The following MACROD2 variants were observed in gnomAD, a reference collection of about 807,000 sequenced individuals.
MACROD2 encodes the protein mono-ADP ribosylhydrolase 2, also known as ADP-ribose glycohydrolase MACROD2.
In MACROD2, 36 loss-of-function variants were observed where a neutral mutation model predicts 70.4. The ratio of observed to expected loss-of-function variants is 0.51; its 90% CI spans 0.39 to 0.68. The LOEUF is 0.68. Ranked by LOEUF, MACROD2 falls within the 30% of genes least tolerant of loss-of-function variation. MACROD2 has a pLI of 0.00. For synonymous variants in MACROD2, 172 were observed against 178.8 expected (o/e 0.96, Z 0.30); for missense variants, 496 against 538.4 (o/e 0.92, Z 0.78).
intron 2 of MACROD2, among the ~76,000 whole-genome samples, chr20:14,038,610 T>C (rs1836742495): frequency 6.6e-6 from 1 of 152,202 alleles, no homozygotes; most frequent in East Asian, 1.9e-4. Context: ...CTACTAATTA[T>C]ATTTGATTTT....
At chr20:14,776,364 G>T (rs1051582657) in intron 5 of MACROD2, among the ~76,000 whole-genome samples, 2 of 151,992 alleles carry the variant, frequency 1.3e-5, no homozygotes, top group African/African-American at 4.8e-5. Context: ...CTTGCAAAAT[G>T]AAAGTTATAT....
intron 3 of MACROD2, among the ~76,000 whole-genome samples, chr20:14,462,889 T>C (rs995936854): frequency 1.3e-5 from 2 of 152,006 alleles, no homozygotes; most frequent in South Asian, 2.1e-4. Context: ...GTTCCATTGG[T>C]CTATATCTCT....
chr20:15,361,832 A>T (rs930295042), intron 6 of MACROD2, among the ~76,000 whole-genome samples: 2 of 152,090 alleles, frequency 1.3e-5, no homozygotes, highest in Admixed American at 1.3e-4. Flanking sequence ...ATGAGATTAT[A>T]TTTCAACTTT....
At chr20:15,753,806 G>T (rs564739979) in intron 8 of MACROD2, among the ~76,000 whole-genome samples, 1 of 152,158 alleles carries the variant, frequency 6.6e-6, no homozygotes, top group Admixed American at 6.6e-5. Context: ...AGTAGCAGTT[G>T]TTCTGACTGG....
At chr20:14,516,458 C>T (rs2085100870) in intron 4 of MACROD2, among the ~76,000 whole-genome samples, 3 of 151,984 alleles carry the variant, frequency 2.0e-5, no homozygotes, top group Admixed American at 2.0e-4. Context: ...GTCTTTAATC[C>T]ATCTTGAGTT....
chr20:14,784,669 G>T (rs575055877), intron 5 of MACROD2, among the ~76,000 whole-genome samples: 12 of 1,660 alleles, frequency 7.2e-3, no homozygotes, highest in African/African-American at 0.017. Context: ...TGTTTTAAGT[G>T]GGGGGGGGGG....
intron 5 of MACROD2, among the ~76,000 whole-genome samples, chr20:14,953,695 G>A (rs982301354): frequency 6.6e-6 from 1 of 152,170 alleles, no homozygotes; most frequent in African/African-American, 2.4e-5. Flanking sequence ...ATTCTGTCAA[G>A]AAAATAGCTA....
chr20:15,838,654 C>T (rs1364038306), intron 8 of MACROD2, among the ~76,000 whole-genome samples: 1 of 152,104 alleles, frequency 6.6e-6, no homozygotes, highest in African/African-American at 2.4e-5. Context: ...GAGATAAAAT[C>T]CGGTAGAGCA....
intron 3 of MACROD2, among the ~76,000 whole-genome samples, chr20:14,133,848 C>T (rs560167922): frequency 4.6e-5 from 7 of 152,336 alleles, no homozygotes; most frequent in African/African-American, 7.2e-5. Context: ...TTCAGGGACT[C>T]TCTCAGCTGC....
intron 6 of MACROD2, among the ~76,000 whole-genome samples, chr20:15,370,818 G>A (rs554923340): frequency 1.6e-4 from 25 of 151,886 alleles, no homozygotes; most frequent in African/African-American, 6.0e-4. Context: ...TCAGAACACA[G>A]GCAAAAAGAA....
chr20:14,528,111 C>CTTT (rs5840621), intron 4 of MACROD2, among the ~76,000 whole-genome samples: 2 of 141,650 alleles, frequency 1.4e-5, no homozygotes, highest in Non-Finnish European at 1.5e-5. Flanking sequence ...ACTGTCTACA[C>CTTT]TTTTTTTTTT....
intron 3 of MACROD2, among the ~76,000 whole-genome samples, chr20:14,487,485 G>A (rs2084748725): frequency 6.6e-6 from 1 of 152,150 alleles, no homozygotes; most frequent in East Asian, 1.9e-4. Context: ...TGGCTACATC[G>A]TGGCACAGCC....
chr20:14,399,462 C>T (rs978717150), intron 3 of MACROD2, among the ~76,000 whole-genome samples: 3 of 151,912 alleles, frequency 2.0e-5, no homozygotes, highest in Non-Finnish European at 4.4e-5. Context: ...ATCTTTGTTA[C>T]GTAAGATGTA....
At chr20:14,506,907 C>G (rs404026) in intron 4 of MACROD2, among the ~76,000 whole-genome samples, 10,015 of 152,172 alleles carry the variant, frequency 0.066, 408 homozygotes, top group Middle Eastern at 0.11. Context: ...GCTGAGATCA[C>G]GCCACGGCAC....
At chr20:14,636,343 A>G (rs1984784854) in intron 4 of MACROD2, 1 of 151,920 alleles carries the variant, frequency 6.6e-6, no homozygotes, top group Non-Finnish European at 1.5e-5. Flanking sequence ...TTCCTATTCC[A>G]CTCTCTGACC....
intron 5 of MACROD2, among the ~76,000 whole-genome samples, chr20:14,836,669 A>G (rs2122254962): frequency 6.6e-6 from 1 of 152,174 alleles, no homozygotes; most frequent in Non-Finnish European, 1.5e-5. Flanking sequence ...GACTAGATAA[A>G]TCCTTCCCCT....
intron 8 of MACROD2, among the ~76,000 whole-genome samples, chr20:15,840,012 A>T (rs2041421): frequency 0.035 from 5,345 of 152,290 alleles, 137 homozygotes; most frequent in East Asian, 0.094. Flanking sequence ...TAAATTTATT[A>T]GACTAATGCC....
chr20:15,540,932 A>G (rs531101973), intron 8 of MACROD2, among the ~76,000 whole-genome samples: 89 of 152,158 alleles, frequency 5.8e-4, no homozygotes, highest in Non-Finnish European at 9.4e-4. Context: ...ATTGGACTAG[A>G]GGCCCACCTT....
At chr20:14,423,183 A>G (rs1600223606) in intron 3 of MACROD2, among the ~76,000 whole-genome samples, 2 of 152,228 alleles carry the variant, frequency 1.3e-5, no homozygotes, top group Non-Finnish European at 2.9e-5. Flanking sequence ...CCACTGTCAG[A>G]CCAGGGAGAG....
Sources: gnomAD v4.1 joint callset for allele counts (sites outside exome capture counted in the v4.1 genomes callset) on GRCh38, gnomAD v4.1.1 for gene constraint, MANE v1.5 for transcripts, NCBI Gene and HGNC (gene_info 2026-07-23, HGNC 2026-07-21) for gene names.